The following BDH2 variants were observed in gnomAD, a reference collection of about 807,000 sequenced individuals.
BDH2 encodes 3-hydroxybutyrate dehydrogenase 2.
BDH2 carries 24 observed loss-of-function variants against 33.2 expected under a neutral mutation model. The ratio of observed to expected loss-of-function variants is 0.72; its 90% CI spans 0.52 to 1.02. BDH2 has a LOEUF of 1.02. BDH2 is among the 50% of genes least tolerant of loss of function. The pLI, the probability that BDH2 is intolerant of heterozygous loss-of-function variation, is 0.00. For missense variants in BDH2, 249 were observed against 301.6 expected (o/e 0.83, Z 1.29); for synonymous variants, 81 against 101.6 (o/e 0.80, Z 1.22).
chr4:103,085,273 G>A (rs1747722021), intron 7 of BDH2, 76 bp downstream of exon 7: 2 of 1,132,756 alleles, frequency 1.8e-6, no homozygotes. Flanking sequence ...AACAGCCATA[G>A]GCAATAACAT....
rs1748217693 is a variant in BDH2, at chr4:103,093,637, GAAT to G, written c.152-944_152-942del. On this transcript the variant is annotated intron_variant, in intron 3 of 9. Transcript: ENST00000296424. The stretch of plus-strand genomic sequence containing the variant: ...ATACATATAATATATAATAATATAT[GAAT>G]AATACATATAATATATAGTAATATA... Among the ~76,000 whole-genome samples the G allele has an allele frequency of 2.8e-5, 4 of 145,362 alleles. No homozygotes were observed. In the South Asian group the frequency reaches 8.7e-4, roughly 32 times the overall value.
chr4:103,085,312 T>C, intron 7 of BDH2, 37 bp downstream of exon 7: 1 of 1,521,906 alleles, frequency 6.6e-7, no homozygotes, highest in African/African-American at 1.4e-5. Flanking sequence ...AGTGTTTCAG[T>C]AAAACTTTGC....
chr4:103,092,260 G>T, intron 4 of BDH2: 2 of 242,036 alleles, frequency 8.3e-6, no homozygotes, highest in South Asian at 5.8e-5. Flanking sequence ...CATGTTTCTG[G>T]GTGTATTCTT....
chr4:103,084,706 C>A (rs183446823), intron 7 of BDH2, among the ~76,000 whole-genome samples: 340 of 152,294 alleles, frequency 2.2e-3, no homozygotes, highest in African/African-American at 7.7e-3. Context: ...TAAAACAGAA[C>A]ATCTCAATCG....
chr4:103,079,406 T>G lies in BDH2; in HGVS notation c.*296A>C. The G allele has an allele frequency of 3.2e-6, 1 of 315,380 alleles. No homozygotes were observed. The highest frequency in any genetic ancestry group is 4.2e-5 in the South Asian group (1 of 24,058). The allele number at this position is 315,380 out of a possible 1,614,324, so 19.5% of individuals were successfully genotyped here. A position where few individuals can be genotyped will look rare whatever the true frequency, so the allele number is the denominator to read the frequency against. ...ATGACACTCCATCTATGGTAATTTG[T>G]TATAGCAGCCCAAAGTGACTAAGAC... On this transcript the variant is annotated 3_prime_UTR_variant, in exon 10 of 10. Transcript: ENST00000296424.
chr4:103,083,510 C>A (rs1469036882), intron 7 of BDH2, among the ~76,000 whole-genome samples: 3 of 151,972 alleles, frequency 2.0e-5, no homozygotes, highest in East Asian at 1.9e-4. Flanking sequence ...AGTTTTTAAT[C>A]AAAAATATAA....
intron 1 of BDH2, chr4:103,099,419 G>A (rs116064437): frequency 2.0e-5 from 3 of 152,072 alleles, no homozygotes; most frequent in African/African-American, 7.2e-5. Context: ...GTAAAACAAG[G>A]CACCTCTCAA....
chr4:103,095,216 C>T lies in BDH2; in HGVS notation c.138G>A (p.Leu46=), dbSNP rs376214820. 2 of 1,613,570 alleles carry T rather than the reference C, an allele frequency of 1.2e-6. No homozygotes were observed. The highest frequency in any genetic ancestry group is 1.7e-6 in the Non-Finnish European group (2 of 1,179,786). The change falls in exon 3 of 10, where the codon CTG becomes CTA. Residue 46 remains leucine (L), a synonymous_variant. Transcript: ENST00000296424. ...TDINESKLQE[L]EKYPGIQTRV... ...TGAGTTGCTTACCCGGGTACTTTTC[C>T]AGTTCCTGAAGTTTGGACTCATTAA...
chr4:103,086,525 A>G lies in BDH2; in HGVS notation c.373T>C (p.Ser125Pro), dbSNP rs146068384. 93 of 1,609,936 alleles carry G rather than the reference A, an allele frequency of 5.8e-5. No homozygotes were observed. The Middle Eastern group carries it at 8.3e-4, about 14-fold the overall frequency. ...GAAGACATGTTGATAATATTGCCAG[A>G]TTTCTGAGCAAGCATCTGCCAAAAC... ...AFLPKMLAQK[S>P]GNIINMSSVA... Residue 125 changes from serine to proline, a missense_variant, in exon 6 of 10, where the codon TCT becomes CCT. Physicochemically the swap from Ser to Pro is moderately conservative, Grantham distance 74 (BLOSUM62 -1). Transcript: ENST00000296424.
intron 7 of BDH2, among the ~76,000 whole-genome samples, chr4:103,083,737 T>C (rs1747634213): frequency 1.3e-5 from 2 of 152,318 alleles, no homozygotes; most frequent in Middle Eastern, 3.4e-3. Flanking sequence ...CAAATGGTTT[T>C]ACAGTCATAC....
chr4:103,084,803 G>C (rs1747695675), intron 7 of BDH2, among the ~76,000 whole-genome samples: 1 of 152,058 alleles, frequency 6.6e-6, no homozygotes, highest in African/African-American at 2.4e-5. Context: ...ATCTCTTGTG[G>C]GTCTTTCTAA....
intron 9 of BDH2, among the ~76,000 whole-genome samples, chr4:103,081,712 C>T (rs924699381): frequency 3.3e-5 from 5 of 152,152 alleles, no homozygotes; most frequent in African/African-American, 1.2e-4. Context: ...CTGCTTAATC[C>T]TCTCCCCATT....
chr4:103,092,956 G>A (rs1324636412), intron 3 of BDH2, among the ~76,000 whole-genome samples: 1 of 152,040 alleles, frequency 6.6e-6, no homozygotes, highest in Non-Finnish European at 1.5e-5. Context: ...TCCTTTCTGA[G>A]CAATGGCTTT....
At chr4:103,084,599 A>G (rs1747684432) in intron 7 of BDH2, among the ~76,000 whole-genome samples, 1 of 152,268 alleles carries the variant, frequency 6.6e-6, no homozygotes, top group African/African-American at 2.4e-5. Context: ...AGACTCAAGT[A>G]TCGCCAGGAT....
intron 3 of BDH2, among the ~76,000 whole-genome samples, chr4:103,093,243 G>C (rs17033423): frequency 0.2 from 31,028 of 152,024 alleles, 3,225 homozygotes; most frequent in African/African-American, 0.21. Context: ...AGAAGAGCAA[G>C]TGTTCTGGAA....
intron 1 of BDH2, among the ~76,000 whole-genome samples, chr4:103,098,079 A>G (rs1748494227): frequency 2.0e-5 from 3 of 152,162 alleles, no homozygotes; most frequent in African/African-American, 7.2e-5. Flanking sequence ...AAAGGGTGTG[A>G]AATGATCAGA....
In BDH2 at chr4:103,082,179, A is replaced by C; in HGVS notation, c.592-6T>G. 1 of 1,611,910 alleles carries C rather than the reference A, an allele frequency of 6.2e-7. No individual in the cohort carries two copies. Among genetic ancestry groups the C allele is most frequent in the Admixed American group, 1.7e-5 (1 of 60,014 alleles). ...TTCAGGAAATCATTCCGTGCCTGTG[A>C]CCAGAGACCATACCAGACATTAGTG... On this transcript the variant is annotated splice_polypyrimidine_tract_variant and splice_region_variant and intron_variant, in intron 8 of 9. Coordinates refer to ENST00000296424, the MANE Select transcript of BDH2 (RefSeq NM_020139.4).
intron 9 of BDH2, among the ~76,000 whole-genome samples, chr4:103,081,567 A>G (rs1747528887): frequency 6.6e-6 from 1 of 152,226 alleles, no homozygotes; most frequent in Non-Finnish European, 1.5e-5. Flanking sequence ...AAGTGCTGGG[A>G]TTACAGGCAT....
intron 1 of BDH2, among the ~76,000 whole-genome samples, chr4:103,097,190 G>T (rs969636712): frequency 3.3e-5 from 5 of 152,156 alleles, no homozygotes; most frequent in African/African-American, 1.2e-4. Context: ...CATAGAGCCA[G>T]TCAATGGGAA....
Sources: allele counts gnomAD v4.1 joint callset (sites outside exome capture counted in the v4.1 genomes callset), GRCh38; gene constraint gnomAD v4.1.1; transcripts MANE v1.5; gene names NCBI Gene and HGNC (gene_info 2026-07-23, HGNC 2026-07-21).